INPP4B: variants seen among roughly 807,000 people sequenced by gnomAD.
The protein encoded by INPP4B is inositol polyphosphate-4-phosphatase type II B.
A neutral mutation model predicts 122.5 loss-of-function variants in INPP4B; 55 were observed. That is an observed-to-expected ratio of 0.45 (90% CI 0.36 to 0.56). The LOEUF (loss-of-function observed/expected upper bound fraction) is 0.56, where lower values mean the gene tolerates loss of function less well. Ranked by LOEUF, INPP4B falls within the 20% of genes least tolerant of loss-of-function variation. The probability of loss-of-function intolerance (pLI) is 0.00; values close to 1 mark genes in which losing one functional copy is unlikely to be tolerated. For missense variants in INPP4B, 1,000 were observed against 1,097.7 expected, an observed-to-expected ratio of 0.91 and a Z score of 1.26; for synonymous variants, 403 against 388.7, an observed-to-expected ratio of 1.04 and a Z score of -0.43.
At chr4:142,347,158 T>A (rs928325947) in intron 7 of INPP4B, among the ~76,000 whole-genome samples, 6 of 152,056 alleles carry the variant, frequency 3.9e-5, no homozygotes, top group African/African-American at 1.4e-4. Flanking sequence ...ACATTTAATG[T>A]CATTCAACTG....
intron 14 of INPP4B, among the ~76,000 whole-genome samples, chr4:142,204,698 A>AT (rs1200590530): frequency 6.6e-6 from 1 of 152,104 alleles, no homozygotes; most frequent in Non-Finnish European, 1.5e-5. Flanking sequence ...ACAGACATAC[A>AT]TAGAGGGCAG....
chr4:142,299,590 T>C (rs1033330734), intron 9 of INPP4B, among the ~76,000 whole-genome samples: 1 of 152,070 alleles, frequency 6.6e-6, no homozygotes, highest in African/African-American at 2.4e-5. Flanking sequence ...TCCTCTAATT[T>C]TTCCATCCAT....
At chr4:142,098,601 G>A (rs1783097917) in intron 23 of INPP4B, among the ~76,000 whole-genome samples, 1 of 152,116 alleles carries the variant, frequency 6.6e-6, no homozygotes, top group Non-Finnish European at 1.5e-5. Flanking sequence ...TATTTTGGAA[G>A]TGGAGCCAGT....
At chr4:142,827,996 T>A (rs1000245655) in intron 1 of INPP4B, among the ~76,000 whole-genome samples, 1 of 151,960 alleles carries the variant, frequency 6.6e-6, no homozygotes, top group African/African-American at 2.4e-5. Context: ...ACTTAAAGGA[T>A]AATCAGGAAA....
At chr4:142,546,950 T>C (rs1338265894) in intron 2 of INPP4B, among the ~76,000 whole-genome samples, 1 of 152,160 alleles carries the variant, frequency 6.6e-6, no homozygotes, top group Non-Finnish European at 1.5e-5. Context: ...AGCAATATTT[T>C]ATGCTCTTTT....
chr4:142,238,505 TGTTATTTTAGGA>T (rs1434280088), intron 11 of INPP4B, among the ~76,000 whole-genome samples: 2 of 152,154 alleles, frequency 1.3e-5, no homozygotes, highest in African/African-American at 4.8e-5. Flanking sequence ...CAAACTGATA[TGTTATTTTAGGA>T]GTTACAAAAG....
At position 142,026,524 on chromosome 4, in the gene INPP4B, T is replaced by C. The variant is rs1040514107; in HGVS notation, c.*2258A>G. Reference sequence around the variant, plus strand: ...TCTTTTCACCCAGGCTGGAGTGCAATGGCATGATCTCAGCTCACTGCAACC... The same window carrying C: ...TCTTTTCACCCAGGCTGGAGTGCAACGGCATGATCTCAGCTCACTGCAACC... On this transcript the variant is annotated 3_prime_UTR_variant, in exon 26 of 26. Transcript: ENST00000262992. 2 of 152,436 alleles carry C rather than the reference T, an allele frequency of 1.3e-5. No individual in the cohort carries two copies. The highest frequency in any genetic ancestry group is 3.9e-4 in the East Asian group (2 of 5,188). 9.4% of individuals were successfully genotyped at this position (152,436 alleles called of 1,614,324 possible). A position where few individuals can be genotyped will look rare whatever the true frequency, so the allele number is the denominator to read the frequency against.
chr4:142,171,557 AATTCATGG>A (rs950281359), intron 16 of INPP4B, among the ~76,000 whole-genome samples: 22 of 151,898 alleles, frequency 1.4e-4, no homozygotes, highest in Non-Finnish European at 1.0e-4. Flanking sequence ...TTCATACCTG[AATTCATGG>A]ATCATACTTT....
intron 2 of INPP4B, among the ~76,000 whole-genome samples, chr4:142,586,549 A>G (rs1205095996): frequency 6.6e-6 from 1 of 152,162 alleles, no homozygotes; most frequent in African/African-American, 2.4e-5. Flanking sequence ...AAAGGCTCAC[A>G]TTTTAACATT....
At chr4:142,240,810 G>A (rs746117110) in intron 11 of INPP4B, among the ~76,000 whole-genome samples, 1 of 151,996 alleles carries the variant, frequency 6.6e-6, no homozygotes, top group Non-Finnish European at 1.5e-5. Context: ...AAGAAACTGG[G>A]TCTGAACTTT....
intron 14 of INPP4B, among the ~76,000 whole-genome samples, chr4:142,193,725 A>G (rs186549190): frequency 6.6e-6 from 1 of 152,338 alleles, no homozygotes; most frequent in East Asian, 1.9e-4. Context: ...AATTTCAAAT[A>G]GATGCTTTTG....
At chr4:142,559,584 C>T (rs72726454) in intron 2 of INPP4B, among the ~76,000 whole-genome samples, 8,020 of 152,114 alleles carry the variant, frequency 0.053, 260 homozygotes, top group African/African-American at 0.068. Context: ...TTGCAAACAG[C>T]AAAATCATAT....
At chr4:142,198,651 C>T (rs759358456) in intron 14 of INPP4B, among the ~76,000 whole-genome samples, 5 of 151,712 alleles carry the variant, frequency 3.3e-5, no homozygotes, top group African/African-American at 4.8e-5. Flanking sequence ...TACAGTATTC[C>T]TTTGCTTCAG....
At position 142,350,762 on chromosome 4, in the gene INPP4B, T is replaced by C. The variant is rs144411305; in HGVS notation, c.373-36000A>G. Among the ~76,000 whole-genome samples the C allele has an allele frequency of 5.1e-4, 77 of 152,182 alleles. 1 individual carries two copies. The highest frequency in any genetic ancestry group is 3.4e-3 in the Middle Eastern group (1 of 294). Reference sequence around the variant, plus strand: ...ACCTTTACACTGCAAAATTATACTTTACTTTTGTCTACATTGGAAAGCATT... The same window carrying C: ...ACCTTTACACTGCAAAATTATACTTCACTTTTGTCTACATTGGAAAGCATT... On this transcript the variant is annotated intron_variant, in intron 7 of 25. Transcript: ENST00000262992.
At position 142,635,752 on chromosome 4, in the gene INPP4B, T is replaced by C. The variant is rs188703907; in HGVS notation, c.-191+90087A>G. On this transcript the variant is annotated intron_variant, in intron 2 of 25. Coordinates refer to ENST00000262992, the MANE Select transcript of INPP4B (RefSeq NM_001101669.3). ...GGAGAGCAGTAGAAAAAATAACTAA[T>C]GGTTATTAGGCTTAATACCTTGGTG... is the stretch of plus-strand genomic sequence containing the variant. Among the ~76,000 whole-genome samples the C allele has an allele frequency of 3.2e-3, 482 of 152,214 alleles. 5 individuals carry two copies. Among genetic ancestry groups the C allele is most frequent in the Non-Finnish European group, 5.6e-3 (380 of 68,008 alleles).
At chr4:142,152,807 C>A (rs1814974443) in intron 17 of INPP4B, among the ~76,000 whole-genome samples, 1 of 152,176 alleles carries the variant, frequency 6.6e-6, no homozygotes, top group Non-Finnish European at 1.5e-5. Context: ...CTTAGAATAT[C>A]TTTCAATACC....
At chr4:142,687,559 CAAAAA>C (rs3080815) in intron 2 of INPP4B, among the ~76,000 whole-genome samples, 4 of 100,598 alleles carry the variant, frequency 4.0e-5, no homozygotes, top group Non-Finnish European at 7.8e-5. Flanking sequence ...ATCCTTCCTC[CAAAAA>C]AAAAAAAAAA....
chr4:142,832,085 C>T (rs1156397272), intron 1 of INPP4B, among the ~76,000 whole-genome samples: 1 of 152,128 alleles, frequency 6.6e-6, no homozygotes, highest in Non-Finnish European at 1.5e-5. Context: ...ATTTAGCTGC[C>T]AATTTCTACG....
At chr4:142,040,399 G>A (rs1425409621) in intron 25 of INPP4B, among the ~76,000 whole-genome samples, 2 of 152,174 alleles carry the variant, frequency 1.3e-5, no homozygotes, top group Non-Finnish European at 2.9e-5. Context: ...CACATCAGTG[G>A]CTAATGACTG....
Sources: allele counts gnomAD v4.1 joint callset (sites outside exome capture counted in the v4.1 genomes callset), GRCh38; gene constraint gnomAD v4.1.1; transcripts MANE v1.5; gene names NCBI Gene and HGNC (gene_info 2026-07-23, HGNC 2026-07-21).